CPQ: variants seen among roughly 807,000 people sequenced by gnomAD.
CPQ encodes the protein carboxypeptidase Q.
CPQ carries 37 observed loss-of-function variants against 45.7 expected under a neutral mutation model. The observed-to-expected ratio is 0.81, with a 90% confidence interval of 0.62 to 1.07. The LOEUF is 1.07. Among genes scored for constraint, CPQ ranks in the 50% least tolerant of loss-of-function variants. The probability of loss-of-function intolerance (pLI) is 0.00; values close to 1 mark genes in which losing one functional copy is unlikely to be tolerated. For missense variants in CPQ, 537 were observed against 572.9 expected (o/e 0.94, Z 0.64); for synonymous variants, 186 against 205.8 (o/e 0.90, Z 0.82).
chr8:96,946,826 A>G (rs1813195482), intron 4 of CPQ, among the ~76,000 whole-genome samples: 1 of 152,008 alleles, frequency 6.6e-6, no homozygotes, highest in Non-Finnish European at 1.5e-5. Flanking sequence ...TCAGAGCTTC[A>G]TGTGGCCAGC....
At chr8:96,873,433 T>C (rs560526689) in intron 3 of CPQ, among the ~76,000 whole-genome samples, 19 of 151,860 alleles carry the variant, frequency 1.3e-4, no homozygotes, top group African/African-American at 4.3e-4. Flanking sequence ...AAGTCTGAGA[T>C]GGATTTTCTC....
chr8:97,102,273 G>A (rs1811325877), intron 7 of CPQ, among the ~76,000 whole-genome samples: 1 of 152,146 alleles, frequency 6.6e-6, no homozygotes, highest in Non-Finnish European at 1.5e-5. Context: ...GCTCAACTCT[G>A]AAAGAAGCTC....
chr8:96,830,595 G>T (rs1811442936), intron 2 of CPQ, among the ~76,000 whole-genome samples: 1 of 152,056 alleles, frequency 6.6e-6, no homozygotes. Flanking sequence ...ACTTTATAGT[G>T]AGTATTTTTA....
At chr8:96,860,250 C>A (rs1429237095) in intron 3 of CPQ, among the ~76,000 whole-genome samples, 1 of 152,074 alleles carries the variant, frequency 6.6e-6, no homozygotes, top group Non-Finnish European at 1.5e-5. Flanking sequence ...TTCTAAGACA[C>A]CAAGTGAGTA....
intron 4 of CPQ, among the ~76,000 whole-genome samples, chr8:96,891,992 G>A (rs1812383204): frequency 6.6e-6 from 1 of 152,168 alleles, no homozygotes; most frequent in Admixed American, 6.5e-5. Context: ...AGCTGAGGAA[G>A]TACATGTGAA....
At chr8:96,734,175 C>T (rs564567487) in intron 1 of CPQ, among the ~76,000 whole-genome samples, 8 of 152,188 alleles carry the variant, frequency 5.3e-5, no homozygotes, top group Non-Finnish European at 1.0e-4. Flanking sequence ...CTCATTTCTA[C>T]ACTCCATCTT....
intron 2 of CPQ, among the ~76,000 whole-genome samples, chr8:96,802,556 T>C (rs75606104): frequency 6.6e-6 from 1 of 152,168 alleles, no homozygotes; most frequent in Non-Finnish European, 1.5e-5. Flanking sequence ...GATTTTCTTT[T>C]CCTTGAAAAA....
chr8:96,986,914 A>G (rs888659239), intron 5 of CPQ, among the ~76,000 whole-genome samples: 4 of 152,170 alleles, frequency 2.6e-5, no homozygotes, highest in Admixed American at 6.5e-5. Flanking sequence ...TAGAGTTACT[A>G]TATTGAAATC....
chr8:96,931,327 A>G (rs1420099988), intron 4 of CPQ, among the ~76,000 whole-genome samples: 1 of 152,188 alleles, frequency 6.6e-6, no homozygotes, highest in African/African-American at 2.4e-5. Flanking sequence ...TTTTCCTTAT[A>G]AAAAGAAGTT....
In CPQ at chr8:97,020,227, C is replaced by T. The variant is rs150259730; in HGVS notation, c.962-9176C>T. The stretch of plus-strand genomic sequence containing the variant: ...CAAAACCTCTGGGATACAACAAACG[C>T]GGTGCTAAGAGGAAAGTTCATAGCA... On this transcript the variant is annotated intron_variant, in intron 5 of 7. Transcript: ENST00000220763. Among the ~76,000 whole-genome samples, 463 of 152,092 alleles carry T rather than the reference C, an allele frequency of 3.0e-3. 1 individual carries two copies. Among genetic ancestry groups the T allele is most frequent in the African/African-American group, 0.01 (434 of 41,500 alleles).
At chr8:96,753,026 C>A (rs924735005) in intron 1 of CPQ, among the ~76,000 whole-genome samples, 9 of 152,140 alleles carry the variant, frequency 5.9e-5, no homozygotes, top group Admixed American at 2.0e-4. Context: ...ACCTACTTAG[C>A]TTTTAAAATA....
chr8:96,903,210 T>A (rs1212431228), intron 4 of CPQ, among the ~76,000 whole-genome samples: 1 of 152,224 alleles, frequency 6.6e-6, no homozygotes, highest in East Asian at 1.9e-4. Flanking sequence ...TTCTTTCTAA[T>A]CCTTGTACCC....
chr8:97,133,708 T>G (rs1030211515), intron 7 of CPQ, among the ~76,000 whole-genome samples: 2 of 152,208 alleles, frequency 1.3e-5, no homozygotes, highest in African/African-American at 4.8e-5. Context: ...TTGAGATATC[T>G]GTTCTATGGG....
chr8:97,113,265 C>T (rs1400654928), intron 7 of CPQ, among the ~76,000 whole-genome samples: 1 of 152,066 alleles, frequency 6.6e-6, no homozygotes, highest in Non-Finnish European at 1.5e-5. Context: ...GTCGCCCAGG[C>T]TGGAACCTCA....
At chr8:97,043,846 G>C (rs1440333878) in intron 6 of CPQ, among the ~76,000 whole-genome samples, 1 of 152,200 alleles carries the variant, frequency 6.6e-6, no homozygotes, top group Non-Finnish European at 1.5e-5. Flanking sequence ...TTTCTGCCGA[G>C]AGATCCGCTG....
chr8:96,956,053 A>G (rs1020581545), intron 4 of CPQ, among the ~76,000 whole-genome samples: 4 of 152,370 alleles, frequency 2.6e-5, no homozygotes, highest in African/African-American at 9.6e-5. Flanking sequence ...GAGCTTCTGC[A>G]CAGCAAAAGA....
intron 4 of CPQ, among the ~76,000 whole-genome samples, chr8:96,949,518 A>T (rs1226407758): frequency 2.6e-5 from 4 of 151,958 alleles, no homozygotes; most frequent in Non-Finnish European, 4.4e-5. Context: ...CAATGGTGAT[A>T]TTGGGGATAT....
chr8:97,031,188 C>CT (rs36087951), intron 6 of CPQ, among the ~76,000 whole-genome samples: 92,694 of 130,622 alleles, frequency 0.71, 33,181 homozygotes, highest in Non-Finnish European at 0.74. Flanking sequence ...AAGAACTATT[C>CT]TTTTTTTTTT....
intron 3 of CPQ, among the ~76,000 whole-genome samples, chr8:96,878,494 G>A (rs1185578620): frequency 2.0e-5 from 3 of 152,154 alleles, no homozygotes; most frequent in Admixed American, 6.5e-5. Context: ...ATTTGTAGAA[G>A]ACACCCCTGA....
Sources: gnomAD v4.1 joint callset for allele counts (sites outside exome capture counted in the v4.1 genomes callset) on GRCh38, gnomAD v4.1.1 for gene constraint, MANE v1.5 for transcripts, NCBI Gene and HGNC (gene_info 2026-07-23, HGNC 2026-07-21) for gene names.